Variants in SUGCT observed in about 807,000 individuals in gnomAD.
The protein encoded by SUGCT is succinyl-CoA:glutarate-CoA transferase.
A neutral mutation model predicts 55.0 loss-of-function variants in SUGCT; 41 were observed. The ratio of observed to expected loss-of-function variants is 0.74; its 90% CI spans 0.58 to 0.97. The LOEUF (loss-of-function observed/expected upper bound fraction) is 0.97, where lower values mean the gene tolerates loss of function less well. Among genes scored for constraint, SUGCT ranks in the 50% least tolerant of loss-of-function variants. SUGCT has a pLI of 0.00. For synonymous variants in SUGCT, 187 were observed against 200.4 expected, an observed-to-expected ratio of 0.93 and a Z score of 0.56; for missense variants, 568 against 547.8, an observed-to-expected ratio of 1.04 and a Z score of -0.37.
intron 9 of SUGCT, among the ~76,000 whole-genome samples, chr7:40,366,313 A>G (rs1783958794): frequency 6.6e-6 from 1 of 152,218 alleles, no homozygotes; most frequent in African/African-American, 2.4e-5. Flanking sequence ...TAAAAACCCT[A>G]GAAGAAAACC....
chr7:40,185,497 C>T (rs1004313057), intron 3 of SUGCT, among the ~76,000 whole-genome samples: 17 of 152,008 alleles, frequency 1.1e-4, no homozygotes, highest in Non-Finnish European at 2.2e-4. Context: ...CACTTGGTAT[C>T]GGGCTTTGTT....
At chr7:40,479,119 T>C (rs1157713997) in intron 11 of SUGCT, among the ~76,000 whole-genome samples, 1 of 152,118 alleles carries the variant, frequency 6.6e-6, no homozygotes, top group Non-Finnish European at 1.5e-5. Context: ...TCTTTATCCA[T>C]TTATCCACTG....
intron 12 of SUGCT, among the ~76,000 whole-genome samples, chr7:40,613,416 G>C (rs978117725): frequency 3.9e-5 from 6 of 152,156 alleles, no homozygotes; most frequent in African/African-American, 1.4e-4. Context: ...ACTTCACTTA[G>C]CTCCATCATG....
chr7:40,272,109 ATATG>A (rs1364834916), intron 7 of SUGCT, among the ~76,000 whole-genome samples: 2,666 of 124,126 alleles, frequency 0.021, 193 homozygotes, highest in African/African-American at 0.069. Context: ...ATATATATAT[ATATG>A]GATGTTTCAA....
intron 12 of SUGCT, among the ~76,000 whole-genome samples, chr7:40,545,540 A>C (rs1242020638): frequency 6.6e-6 from 1 of 152,200 alleles, no homozygotes; most frequent in Non-Finnish European, 1.5e-5. Context: ...ATGATGTAAA[A>C]TATGGCCTTA....
intron 12 of SUGCT, among the ~76,000 whole-genome samples, chr7:40,732,563 G>A (rs564856872): frequency 6.6e-6 from 1 of 152,216 alleles, no homozygotes; most frequent in African/African-American, 2.4e-5. Flanking sequence ...TTTATTGTGA[G>A]CAAAAGCAAA....
Position 40,180,920 on chromosome 7 carries a change from C to T in SUGCT, c.101-27C>T, listed in dbSNP as rs199787147. On this transcript the variant is annotated intron_variant, in intron 1 of 13. Transcript: ENST00000335693. The stretch of plus-strand genomic sequence containing the variant: ...TGTAAGAAAATTACTAATGAATTAT[C>T]TTGAAATGTTTTCTCTGTTTTGCCA... 1,827 of 1,547,528 alleles carry T rather than the reference C, an allele frequency of 1.2e-3. 35 individuals are homozygous for T. In the South Asian group the frequency reaches 0.02, roughly 17 times the overall value.
chr7:40,703,351 T>A (rs1373840593), intron 12 of SUGCT, among the ~76,000 whole-genome samples: 2 of 152,116 alleles, frequency 1.3e-5, no homozygotes, highest in East Asian at 3.9e-4. Flanking sequence ...ATGGTTCTTT[T>A]GAACAGATTT....
At chr7:41,026,064 C>G in the SUGCT span, among the ~76,000 whole-genome samples, 2 of 152,208 alleles carry the variant, frequency 1.3e-5, no homozygotes, top group Non-Finnish European at 1.5e-5. Context: ...TGTGCAAACG[C>G]AGGTCTATGT....
chr7:40,973,412 A>G, the SUGCT span, among the ~76,000 whole-genome samples: 58,137 of 152,046 alleles, frequency 0.38, 11,228 homozygotes, highest in South Asian at 0.42. Flanking sequence ...TTCCCTGGGG[A>G]CTTTTGGCTT....
chr7:40,571,165 A>G (rs1260292106), intron 12 of SUGCT, among the ~76,000 whole-genome samples: 1 of 152,104 alleles, frequency 6.6e-6, no homozygotes, highest in Non-Finnish European at 1.5e-5. Context: ...TTTAAAACAT[A>G]TTGCATTGTA....
intron 6 of SUGCT, among the ~76,000 whole-genome samples, chr7:40,209,940 T>C (rs756701066): frequency 8.5e-5 from 13 of 152,222 alleles, no homozygotes; most frequent in Non-Finnish European, 1.5e-4. Flanking sequence ...ATCATGTTTC[T>C]TACAGCTCTC....
chr7:40,634,295 G>A (rs1306788828), intron 12 of SUGCT, among the ~76,000 whole-genome samples: 2 of 152,172 alleles, frequency 1.3e-5, no homozygotes, highest in African/African-American at 2.4e-5. Flanking sequence ...AACCCTTATC[G>A]TCCAAACCCC....
chr7:40,285,952 AC>A (rs1377608083), intron 8 of SUGCT, among the ~76,000 whole-genome samples: 1 of 152,166 alleles, frequency 6.6e-6, no homozygotes, highest in East Asian at 1.9e-4. Context: ...GCTTTAATTT[AC>A]TTTTCTATTG....
At chr7:40,153,807 A>G in intron 1 of SUGCT, 1 of 396,448 alleles carries the variant, frequency 2.5e-6, no homozygotes, top group Non-Finnish European at 5.2e-6. Context: ...ATGCTGTTCA[A>G]TGGGATAAAT....
chr7:40,875,016 G>T, the SUGCT span, among the ~76,000 whole-genome samples: 1 of 152,180 alleles, frequency 6.6e-6, no homozygotes. Flanking sequence ...GATTCTCCCT[G>T]GTCAAGTTAG....
At chr7:40,348,210 C>A (rs1410215099) in intron 9 of SUGCT, among the ~76,000 whole-genome samples, 1 of 152,214 alleles carries the variant, frequency 6.6e-6, no homozygotes, top group East Asian at 1.9e-4. Flanking sequence ...GGGCTTGTTG[C>A]AAACTGGGGT....
intron 12 of SUGCT, among the ~76,000 whole-genome samples, chr7:40,542,608 C>T (rs1004438939): frequency 6.6e-6 from 1 of 152,166 alleles, no homozygotes; most frequent in African/African-American, 2.4e-5. Context: ...GGCCTTTTTG[C>T]TCATGTGTGT....
intron 9 of SUGCT, among the ~76,000 whole-genome samples, chr7:40,366,743 G>T (rs533421897): frequency 2.0e-5 from 3 of 150,030 alleles, no homozygotes; most frequent in Non-Finnish European, 4.4e-5. Flanking sequence ...TAGAATGGCA[G>T]TCATTAAAAA....
Sources: gnomAD v4.1 joint callset for allele counts (sites outside exome capture counted in the v4.1 genomes callset) on GRCh38, gnomAD v4.1.1 for gene constraint, MANE v1.5 for transcripts, NCBI Gene and HGNC (gene_info 2026-07-23, HGNC 2026-07-21) for gene names.